The following ZNF354A variants were observed in gnomAD, a reference collection of about 807,000 sequenced individuals.
ZNF354A encodes epididymis luminal protein 104.
In ZNF354A, 25 loss-of-function variants were observed where a neutral mutation model predicts 53.3. The ratio of observed to expected loss-of-function variants is 0.47; its 90% CI spans 0.34 to 0.66. The LOEUF is 0.66. Among genes scored for constraint, ZNF354A ranks in the 30% least tolerant of loss-of-function variants. ZNF354A has a pLI of 0.01. For missense variants in ZNF354A, 586 were observed against 716.8 expected (o/e 0.82, Z 2.08); for synonymous variants, 228 against 249.0 (o/e 0.92, Z 0.79).
rs139308109 is a variant in ZNF354A at position 178,727,469 on chromosome 5, T to C, written c.34-344A>G. Among the ~76,000 whole-genome samples, 426 of 152,320 alleles carry C rather than the reference T, an allele frequency of 2.8e-3. 4 individuals are homozygous for C. Among genetic ancestry groups the C allele is most frequent in the African/African-American group, 9.8e-3 (408 of 41,568 alleles). Reference sequence around the variant, plus strand: ...ACCAATTACTCTATTTGTACGATAATGAACAGTGCACAAAAGTACACACAA... The same window carrying C: ...ACCAATTACTCTATTTGTACGATAACGAACAGTGCACAAAAGTACACACAA... On this transcript the variant is annotated intron_variant, in intron 2 of 4. Transcript: ENST00000335815.
chr5:178,729,586 T>A (rs1194906319), intron 1 of ZNF354A, among the ~76,000 whole-genome samples: 1 of 151,998 alleles, frequency 6.6e-6, no homozygotes, highest in African/African-American at 2.4e-5. Flanking sequence ...AGTCTCGCTC[T>A]GTTGGCCAGA....
At chr5:178,717,263 T>A (rs1765734199) in intron 4 of ZNF354A, among the ~76,000 whole-genome samples, 1 of 151,584 alleles carries the variant, frequency 6.6e-6, no homozygotes, top group African/African-American at 2.4e-5. Context: ...GGGGCACCAG[T>A]GGAAGCAGGG....
intron 1 of ZNF354A, chr5:178,729,385 G>T (rs1297942929): frequency 3.7e-6 from 1 of 271,384 alleles, no homozygotes; most frequent in Non-Finnish European, 7.1e-6. Context: ...CCACTGCACC[G>T]CTCAGGAAAC....
rs369252088 is a variant in ZNF354A at position 178,725,952 on chromosome 5, A to C, written c.161-481T>G. 1.9e-3 allele frequency: 498 copies of C among 267,980 alleles called. 1 individual carries two copies. The highest frequency in any genetic ancestry group is 0.011 in the African/African-American group (467 of 44,238). 16.6% of individuals were successfully genotyped at this position (267,980 alleles called of 1,614,324 possible). ...AACCTCCGTCTCCCGGGTTCAAGTG[A>C]TTTTCCTGCCTCAGTCTCCCAAGTA... On this transcript the variant is annotated intron_variant, in intron 3 of 4. Coordinates refer to ENST00000335815, the MANE Select transcript of ZNF354A (RefSeq NM_005649.3).
intron 4 of ZNF354A, among the ~76,000 whole-genome samples, chr5:178,724,157 G>A (rs1262102954): frequency 6.6e-6 from 1 of 151,434 alleles, no homozygotes; most frequent in Non-Finnish European, 1.5e-5. Flanking sequence ...CTCACGGCAA[G>A]TGCCTTCATC....
chr5:178,717,890 G>T (rs1160818174), intron 4 of ZNF354A, among the ~76,000 whole-genome samples: 1 of 152,176 alleles, frequency 6.6e-6, no homozygotes, highest in Non-Finnish European at 1.5e-5. Context: ...CAAGACGGAG[G>T]TTGTTTGGGA....
intron 3 of ZNF354A, chr5:178,726,315 G>T: frequency 2.7e-6 from 1 of 373,198 alleles, no homozygotes; most frequent in Non-Finnish European, 5.4e-6. Flanking sequence ...TTACTACGTG[G>T]CTTTTTTTTT....
chr5:178,719,848 G>A (rs1441834046), intron 4 of ZNF354A, among the ~76,000 whole-genome samples: 2 of 151,774 alleles, frequency 1.3e-5, no homozygotes, highest in Admixed American at 6.6e-5. Context: ...TTGGGAGGCT[G>A]AGGCAGGAGA....
In ZNF354A at chr5:178,725,440, G is replaced by C. The variant is rs763833560; in HGVS notation, c.192C>G (p.Ser64=). ...AGGGATCTTCTCCTTGCTGCAACAG[G>C]GAGATCACTTTTGGTTTGGTAAATG... The part of the protein sequence containing the change: ...GLPFTKPKVI[S]LLQQGEDPWE... The change falls in exon 4 of 5, where the codon TCC becomes TCG. Residue 64 remains serine, a synonymous_variant. Coordinates refer to ENST00000335815, the MANE Select transcript of ZNF354A (RefSeq NM_005649.3). The C allele has an allele frequency of 1.2e-6, 2 of 1,614,110 alleles. No individual in the cohort carries two copies. The highest frequency in any genetic ancestry group is 1.7e-6 in the Non-Finnish European group (2 of 1,180,010).
At chr5:178,723,725 T>C (rs1765853362) in intron 4 of ZNF354A, among the ~76,000 whole-genome samples, 1 of 151,940 alleles carries the variant, frequency 6.6e-6, no homozygotes, top group Non-Finnish European at 1.5e-5. Context: ...AGGAGACCTG[T>C]GTCCCTTTCT....
chr5:178,723,237 GC>G (rs1456459852), intron 4 of ZNF354A, among the ~76,000 whole-genome samples: 2 of 152,246 alleles, frequency 1.3e-5, no homozygotes, highest in Admixed American at 1.3e-4. Flanking sequence ...GACCGAGGCT[GC>G]CTGCCCTGCA....
intron 4 of ZNF354A, among the ~76,000 whole-genome samples, chr5:178,716,714 C>T (rs1765721184): frequency 6.6e-6 from 1 of 152,098 alleles, no homozygotes; most frequent in Non-Finnish European, 1.5e-5. Flanking sequence ...AAAAGTGAGG[C>T]TGACTTAGGA....
intron 3 of ZNF354A, chr5:178,726,243 TG>T: frequency 2.2e-6 from 1 of 452,756 alleles, no homozygotes; most frequent in Non-Finnish European, 4.4e-6. Context: ...CAAAGAATGG[TG>T]GGAAAAAAAA....
chr5:178,720,709 C>T (rs1358530334), intron 4 of ZNF354A, among the ~76,000 whole-genome samples: 1 of 152,204 alleles, frequency 6.6e-6, no homozygotes, highest in Non-Finnish European at 1.5e-5. Context: ...GGAGCCCTAG[C>T]AAACTAACAC....
At chr5:178,727,201 C>T (rs1689642116) in intron 2 of ZNF354A, 76 bp from the exon 3 acceptor site, 1 of 1,451,194 alleles carries the variant, frequency 6.9e-7, no homozygotes, top group African/African-American at 1.4e-5. Flanking sequence ...GAAAGACACG[C>T]TACCCGTGAA....
chr5:178,713,089 C>T lies in ZNF354A; in HGVS notation c.789G>A (p.Thr263=), dbSNP rs1132336. The change falls in exon 5 of 5, where the codon ACG becomes ACA. Residue 263 remains threonine, a synonymous_variant. Transcript: ENST00000335815. ...QSSALIQHQI[T]HTGEKPYICK... ...ATATGTAGGGTTTCTCTCCAGTATGCGTTATTTGATGTTGAATAAGAGCTG... is the reference window on the plus strand; with the variant it reads ...ATATGTAGGGTTTCTCTCCAGTATGTGTTATTTGATGTTGAATAAGAGCTG... 0.28 allele frequency: 453,755 copies of T among 1,613,726 alleles called. 66,237 individuals carry two copies. The highest frequency in any genetic ancestry group is 0.4 in the South Asian group (36,187 of 91,074).
chr5:178,722,114 T>C (rs1179627908), intron 4 of ZNF354A, among the ~76,000 whole-genome samples: 3 of 152,174 alleles, frequency 2.0e-5, no homozygotes, highest in African/African-American at 7.2e-5. Context: ...GTCTTCCCTA[T>C]GGGTTCATTT....
Position 178,712,267 on chromosome 5 carries a change from A to G in ZNF354A, c.1611T>C (p.Leu537=). 1.2e-6 allele frequency: 2 copies of G among 1,614,134 alleles called. No homozygotes were observed. The highest frequency in any genetic ancestry group is 2.2e-5 in the South Asian group (2 of 91,074). Reference sequence around the variant, plus strand: ...CTGTATGAATCCTTCGATGCTGAATAAGAGCTGAACTTTGGCCAAAAGATA... The same window carrying G: ...CTGTATGAATCCTTCGATGCTGAATGAGAGCTGAACTTTGGCCAAAAGATA... ...CGISFGQSSA[L]IQHRRIHTGE... is the part of the protein sequence containing the mutation. The change falls in exon 5 of 5, where the codon CTT becomes CTC. Residue 537 remains leucine (L), a synonymous_variant. Transcript: ENST00000335815.
intron 4 of ZNF354A, 81 bp from the exon 5 acceptor site, chr5:178,713,702 A>C: frequency 6.9e-7 from 1 of 1,454,986 alleles, no homozygotes; most frequent in Non-Finnish European, 9.0e-7. Flanking sequence ...TAGAAGGAAT[A>C]AATATTGGTG....
Sources: gnomAD v4.1 joint callset for allele counts (sites outside exome capture counted in the v4.1 genomes callset) on GRCh38, gnomAD v4.1.1 for gene constraint, MANE v1.5 for transcripts, NCBI Gene and HGNC (gene_info 2026-07-23, HGNC 2026-07-21) for gene names.